PTPRD: variants seen among roughly 807,000 people sequenced by gnomAD.
The protein encoded by PTPRD is receptor-type tyrosine-protein phosphatase delta.
In PTPRD, 34 loss-of-function variants were observed where a neutral mutation model predicts 214.5. That is an observed-to-expected ratio of 0.16 (90% CI 0.12 to 0.21). The LOEUF (loss-of-function observed/expected upper bound fraction) is 0.21, where lower values mean the gene tolerates loss of function less well. Among genes scored for constraint, PTPRD ranks in the 10% least tolerant of loss-of-function variants. The pLI, the probability that PTPRD is intolerant of heterozygous loss-of-function variation, is 1.00. For synonymous variants in PTPRD, 1,128 were observed against 845.7 expected (o/e 1.33, Z -5.79); for missense variants, 2,545 against 2,398.7 (o/e 1.06, Z -1.27).
chr9:8,524,230 T>C (rs757279476), intron 18 of PTPRD, among the ~76,000 whole-genome samples: 15 of 152,214 alleles, frequency 9.9e-5, no homozygotes, highest in African/African-American at 3.6e-4. Context: ...TCATAATTCA[T>C]TCTTGTCTCA....
At chr9:9,132,070 C>G (rs1294806237) in intron 10 of PTPRD, among the ~76,000 whole-genome samples, 1 of 152,062 alleles carries the variant, frequency 6.6e-6, no homozygotes, top group Non-Finnish European at 1.5e-5. Flanking sequence ...TGCAGTGGCA[C>G]GATCTAGGCT....
intron 5 of PTPRD, among the ~76,000 whole-genome samples, chr9:9,802,897 C>T (rs1041452441): frequency 6.6e-6 from 1 of 151,722 alleles, no homozygotes; most frequent in African/African-American, 2.4e-5. Context: ...ACTAATAATG[C>T]ATATAATTTG....
intron 9 of PTPRD, among the ~76,000 whole-genome samples, chr9:9,328,820 T>C (rs1198131583): frequency 6.6e-6 from 1 of 150,748 alleles, no homozygotes; most frequent in Non-Finnish European, 1.5e-5. Flanking sequence ...TTTTTTTAAG[T>C]GGAGACAGGG....
In PTPRD at chr9:9,607,872, C is replaced by CA. The variant is rs201955831; in HGVS notation, c.-286-33092dup. ...AAGCTGTCAGGTGGGTAGTGACTGA[C>CA]AAAAAAAAAATTTAGAAAACGCACT... On this transcript the variant is annotated intron_variant, in intron 7 of 45. Transcript: ENST00000381196. Among the ~76,000 whole-genome samples, 270 of 148,200 alleles carry CA rather than the reference C, an allele frequency of 1.8e-3. 3 individuals carry two copies. The highest frequency in any genetic ancestry group is 3.4e-3 in the Middle Eastern group (1 of 290).
At chr9:8,913,119 A>G (rs963687215) in intron 11 of PTPRD, among the ~76,000 whole-genome samples, 2 of 151,320 alleles carry the variant, frequency 1.3e-5, no homozygotes, top group African/African-American at 4.9e-5. Context: ...TAAATACCAC[A>G]GAATTTTCTT....
At chr9:8,490,667 T>C (rs761218775) in intron 27 of PTPRD, among the ~76,000 whole-genome samples, 4 of 152,008 alleles carry the variant, frequency 2.6e-5, no homozygotes, top group Admixed American at 1.3e-4. Flanking sequence ...ACAAAGAAAA[T>C]ACAAATATTT....
At chr9:9,135,354 T>G (rs1286638936) in intron 10 of PTPRD, among the ~76,000 whole-genome samples, 1 of 152,200 alleles carries the variant, frequency 6.6e-6, no homozygotes, top group Non-Finnish European at 1.5e-5. Context: ...GAGAAACATT[T>G]AACCTCCCTA....
chr9:10,487,688 A>G (rs2099141555), intron 2 of PTPRD, among the ~76,000 whole-genome samples: 1 of 151,872 alleles, frequency 6.6e-6, no homozygotes, highest in Non-Finnish European at 1.5e-5. Context: ...AATGACACAT[A>G]ACAGGGCCTG....
At chr9:9,638,187 T>C (rs2095833421) in intron 7 of PTPRD, among the ~76,000 whole-genome samples, 1 of 152,218 alleles carries the variant, frequency 6.6e-6, no homozygotes, top group Admixed American at 6.5e-5. Context: ...GGCTGAAAAT[T>C]TCCCAAATCT....
At position 9,625,576 on chromosome 9, in the gene PTPRD, T is replaced by G. The variant is rs1593377942; in HGVS notation, c.-286-50795A>C. 2.1e-5 allele frequency among the ~76,000 whole-genome samples: 3 copies of G among 145,830 alleles called. No homozygotes were observed. The Admixed American group carries it at 2.1e-4, about 10-fold the overall frequency. On this transcript the variant is annotated intron_variant, in intron 7 of 45. Coordinates refer to ENST00000381196, the MANE Select transcript of PTPRD (RefSeq NM_002839.4). ...CTATTTTTTTTTTTTTTGTTTTGAG[T>G]GAGGGGAGGATGGGACTCAAAATAA...
At chr9:9,714,288 A>G (rs1419364665) in intron 7 of PTPRD, among the ~76,000 whole-genome samples, 1 of 152,126 alleles carries the variant, frequency 6.6e-6, no homozygotes, top group East Asian at 1.9e-4. Context: ...ATTTTTGTAC[A>G]GCAACAGGAA....
At chr9:8,386,049 C>G (rs759079901) in intron 37 of PTPRD, among the ~76,000 whole-genome samples, 10 of 152,204 alleles carry the variant, frequency 6.6e-5, no homozygotes, top group Non-Finnish European at 1.3e-4. Context: ...CCCCCAACTT[C>G]TTTACCAAAC....
intron 3 of PTPRD, among the ~76,000 whole-genome samples, chr9:10,325,260 T>C (rs2096622777): frequency 6.6e-6 from 1 of 151,952 alleles, no homozygotes; most frequent in East Asian, 1.9e-4. Context: ...GCTGCTACTA[T>C]TGTTATGCTG....
chr9:10,271,386 G>C (rs1388078971), intron 3 of PTPRD, among the ~76,000 whole-genome samples: 3 of 128,200 alleles, frequency 2.3e-5, no homozygotes, highest in African/African-American at 8.0e-5. Context: ...GAGTAACTCA[G>C]AGTCTCTTTA....
At chr9:8,395,403 A>G (rs1195162839) in intron 36 of PTPRD, among the ~76,000 whole-genome samples, 3 of 151,568 alleles carry the variant, frequency 2.0e-5, no homozygotes, top group Non-Finnish European at 4.4e-5. Flanking sequence ...AAATCTAATA[A>G]ACATTTACAA....
chr9:9,944,509 A>G (rs1164170385), intron 4 of PTPRD, among the ~76,000 whole-genome samples: 1 of 152,040 alleles, frequency 6.6e-6, no homozygotes, highest in Admixed American at 6.6e-5. Context: ...AAAGATTAAT[A>G]AAAAGATTTT....
At chr9:8,848,889 G>T (rs1303310369) in intron 11 of PTPRD, among the ~76,000 whole-genome samples, 1 of 139,316 alleles carries the variant, frequency 7.2e-6, no homozygotes, top group African/African-American at 2.6e-5. Context: ...GACTTACACA[G>T]AATGTTATTT....
chr9:10,143,164 A>T (rs1238852916), intron 3 of PTPRD, among the ~76,000 whole-genome samples: 1 of 152,080 alleles, frequency 6.6e-6, no homozygotes, highest in Non-Finnish European at 1.5e-5. Context: ...TGGGAGATAT[A>T]CCTAATGCTA....
intron 7 of PTPRD, among the ~76,000 whole-genome samples, chr9:9,585,497 A>G (rs2091778396): frequency 6.6e-6 from 1 of 152,090 alleles, no homozygotes; most frequent in African/African-American, 2.4e-5. Context: ...TATATATTGC[A>G]CAATTACTTT....
Sources: allele counts gnomAD v4.1 joint callset (sites outside exome capture counted in the v4.1 genomes callset), GRCh38; gene constraint gnomAD v4.1.1; transcripts MANE v1.5; gene names NCBI Gene and HGNC (gene_info 2026-07-23, HGNC 2026-07-21).